CENPF: variants seen among roughly 807,000 people sequenced by gnomAD.
CENPF encodes the protein centromere protein F.
Under a neutral mutation model 307.3 loss-of-function variants are expected in CENPF, and 214 were observed. The ratio of observed to expected loss-of-function variants is 0.70; its 90% CI spans 0.62 to 0.78. The LOEUF is 0.78. CENPF is among the 30% of genes least tolerant of loss of function. The pLI is 0.00. For synonymous variants in CENPF, 1,259 were observed against 1,270.6 expected, an observed-to-expected ratio of 0.99 and a Z score of 0.19; for missense variants, 3,401 against 3,483.9, an observed-to-expected ratio of 0.98 and a Z score of 0.60.
chr1:214,614,023 T>A (rs1657269146), intron 2 of CENPF, 107 bp downstream of exon 2: 1 of 1,115,710 alleles, frequency 9.0e-7, no homozygotes, highest in Non-Finnish European at 1.2e-6. Flanking sequence ...TCATCTTCTT[T>A]ACATTTAGAG....
chr1:214,623,428 T>A (rs1050000844), intron 7 of CENPF, among the ~76,000 whole-genome samples: 2 of 152,136 alleles, frequency 1.3e-5, no homozygotes, highest in Admixed American at 1.3e-4. Context: ...TCCTCAGATT[T>A]TGGTATCTGC....
intron 19 of CENPF, among the ~76,000 whole-genome samples, chr1:214,662,005 C>A (rs766406249): frequency 4.6e-5 from 7 of 152,114 alleles, no homozygotes; most frequent in Non-Finnish European, 8.8e-5. Flanking sequence ...GGGTCAAATC[C>A]ACAGTTTAAA....
intron 3 of CENPF, among the ~76,000 whole-genome samples, chr1:214,616,781 GCTTT>G (rs988156096): frequency 1.2e-4 from 18 of 151,162 alleles, no homozygotes; most frequent in South Asian, 2.1e-4. Flanking sequence ...GGAGCTAAGG[GCTTT>G]CTTTCTTTCT....
intron 15 of CENPF, among the ~76,000 whole-genome samples, chr1:214,652,504 C>T (rs1426431014): frequency 7.0e-5 from 10 of 143,608 alleles, no homozygotes; most frequent in East Asian, 6.3e-4. Context: ...AGTGCAGTGG[C>T]ACAATCTTGG....
intron 14 of CENPF, among the ~76,000 whole-genome samples, chr1:214,650,804 T>G (rs1358675935): frequency 6.6e-6 from 1 of 152,066 alleles, no homozygotes; most frequent in African/African-American, 2.4e-5. Context: ...GGGGATCACC[T>G]GAGCCCTGGA....
intron 19 of CENPF, among the ~76,000 whole-genome samples, chr1:214,663,218 G>A (rs1469009725): frequency 1.3e-5 from 2 of 152,174 alleles, no homozygotes; most frequent in Non-Finnish European, 2.9e-5. Flanking sequence ...ACTCATTTGG[G>A]TTACACTTGT....
intron 2 of CENPF, 110 bp downstream of exon 2, chr1:214,614,026 A>G: frequency 9.1e-7 from 1 of 1,093,586 alleles, no homozygotes. Context: ...TCTTCTTTAC[A>G]TTTAGAGAAA....
At position 214,643,327 on chromosome 1, in the gene CENPF, A is replaced by C. The variant is rs1658189627; in HGVS notation, c.4986+3A>C. ...TGCTTGGCATCGACACAGAAGATGT[A>C]AGTACCTGGGATTTAAATGCCATTT... is the stretch of plus-strand genomic sequence containing the variant. On this transcript the variant is annotated splice_donor_region_variant and intron_variant, in intron 12 of 19. Transcript: ENST00000366955. 6.8e-7 allele frequency: 1 copy of C among 1,477,208 alleles called. No individual in the cohort carries two copies. Among genetic ancestry groups the C allele is most frequent in the African/African-American group, 1.4e-5 (1 of 69,980 alleles). The allele number at this position is 1,477,208 out of a possible 1,614,324, so 91.5% of individuals were successfully genotyped here.
At chr1:214,616,954 T>C (rs1571697434) in intron 3 of CENPF, among the ~76,000 whole-genome samples, 3 of 123,740 alleles carry the variant, frequency 2.4e-5, no homozygotes, top group African/African-American at 8.9e-5. Context: ...CCTCCCTTCC[T>C]TCCTTCCCTC....
Position 214,642,349 on chromosome 1 carries a change from A to G in CENPF, c.4011A>G (p.Glu1337=), listed in dbSNP as rs1453502998. The G allele has an allele frequency of 2.5e-6, 4 of 1,613,490 alleles. No individual in the cohort carries two copies. In the African/African-American group the frequency reaches 5.3e-5, roughly 22 times the overall value. Residue 1337 remains glutamate (E), a synonymous_variant, in exon 12 of 20, where the codon GAA becomes GAG. Transcript: ENST00000366955. ...TCACAGCAACTAGGAAAATGGCAGA[A>G]GAGGTAGGGAAACTACTAAATGAAG... ...ECITATRKMA[E]EVGKLLNEVK...
chr1:214,612,103 G>A (rs1000387095), intron 1 of CENPF, among the ~76,000 whole-genome samples: 1 of 152,182 alleles, frequency 6.6e-6, no homozygotes, highest in Non-Finnish European at 1.5e-5. Context: ...TATGATGTTG[G>A]CTGTGGGTTT....
Position 214,641,753 on chromosome 1 carries a change from C to A in CENPF, c.3415C>A (p.Gln1139Lys). The A allele has an allele frequency of 6.3e-7, 1 of 1,582,668 alleles. No individual in the cohort carries two copies. Among genetic ancestry groups the A allele is most frequent in the East Asian group, 2.2e-5 (1 of 44,496 alleles). ...KQEIMTLKEE[Q>K]NKMQKEVNDL... is the part of the protein sequence containing the mutation. ...AGAAATCATGACTTTAAAGGAAGAA[C>A]AAAACAAAATGCAAAAGGAAGTTAA... The change falls in exon 12 of 20, where the codon CAA becomes AAA. Residue 1139 changes from glutamine to lysine, a missense_variant. Transcript: ENST00000366955.
intron 19 of CENPF, among the ~76,000 whole-genome samples, chr1:214,661,874 C>CTT (rs34450327): frequency 6.8e-6 from 1 of 148,086 alleles, no homozygotes; most frequent in African/African-American, 2.5e-5. Flanking sequence ...TATGCTTGCA[C>CTT]TTTTTTTTTT....
In CENPF at chr1:214,641,436, G is replaced by C; in HGVS notation, c.3098G>C (p.Gly1033Ala). The C allele has an allele frequency of 6.4e-7, 1 of 1,562,002 alleles. No homozygotes were observed. The highest frequency in any genetic ancestry group is 8.6e-7 in the Non-Finnish European group (1 of 1,163,388). The change falls in exon 12 of 20, where the codon GGA (glycine) becomes GCA (alanine). Residue 1033 changes from glycine (G) to alanine (A), a missense_variant. By Grantham distance (60) the Gly-to-Ala change is moderately conservative. Transcript: ENST00000366955. ...LILLQRCEET[G>A]NAYEDLSQKY... Reference sequence around the variant, plus strand: ...TTACTACAAAGATGTGAAGAAACCGGAAATGCATATGAGGATCTTAGTCAA... The same window carrying C: ...TTACTACAAAGATGTGAAGAAACCGCAAATGCATATGAGGATCTTAGTCAA...
chr1:214,616,446 G>A (rs1238798494), intron 3 of CENPF, among the ~76,000 whole-genome samples: 1 of 152,172 alleles, frequency 6.6e-6, no homozygotes, highest in African/African-American at 2.4e-5. Context: ...CAATTATGAT[G>A]TACTTCAAAT....
chr1:214,645,992 A>C lies in CENPF; in HGVS notation c.6422A>C (p.Lys2141Thr), dbSNP rs982818366. The C allele has an allele frequency of 5.6e-6, 9 of 1,614,134 alleles. No homozygotes were observed. The highest frequency in any genetic ancestry group is 1.3e-5 in the African/African-American group (1 of 75,056). The stretch of plus-strand genomic sequence containing the variant: ...AAGAAGCAGCTGCACATCGCAGAGA[A>C]ACTGAAAGAACGCGAGCGGGAGAAT... ...DEKKQLHIAE[K>T]LKERERENDS... Residue 2141 changes from lysine to threonine, a missense_variant, in exon 13 of 20, where the codon AAA (lysine) becomes ACA (threonine). Coordinates refer to ENST00000366955, the MANE Select transcript of CENPF (RefSeq NM_016343.4).
chr1:214,626,027 A>G (rs75749310), intron 7 of CENPF, among the ~76,000 whole-genome samples: 4,607 of 152,298 alleles, frequency 0.03, 106 homozygotes, highest in Middle Eastern at 0.088. Flanking sequence ...GTATATATAT[A>G]TAAAATCATT....
At position 214,640,423 on chromosome 1, in the gene CENPF, C is replaced by T. The variant is rs1166472991; in HGVS notation, c.2085C>T (p.Thr695=). The T allele has an allele frequency of 6.2e-7, 1 of 1,613,770 alleles. No homozygotes were observed. Among genetic ancestry groups the T allele is most frequent in the Non-Finnish European group, 8.5e-7 (1 of 1,179,974 alleles). ...VLDSKSVEVE[T]QKLAYMELQQ... is the part of the protein sequence containing the mutation. ...ACAGTAAGTCAGTGGAGGTAGAGAC[C>T]CAGAAACTAGCTTATATGGAGCTAC... Residue 695 remains threonine, a synonymous_variant, in exon 12 of 20, where the codon ACC becomes ACT. Coordinates refer to ENST00000366955, the MANE Select transcript of CENPF (RefSeq NM_016343.4).
At chr1:214,626,744 T>A (rs1657665561) in intron 7 of CENPF, among the ~76,000 whole-genome samples, 1 of 152,194 alleles carries the variant, frequency 6.6e-6, no homozygotes, top group Admixed American at 6.5e-5. Flanking sequence ...ATTGAGATAA[T>A]TTTTGTAAAG....
Sources: gnomAD v4.1 joint callset for allele counts (sites outside exome capture counted in the v4.1 genomes callset) on GRCh38, gnomAD v4.1.1 for gene constraint, MANE v1.5 for transcripts, NCBI Gene and HGNC (gene_info 2026-07-23, HGNC 2026-07-21) for gene names.